The following HSDL2 variants were observed in gnomAD, a reference collection of about 807,000 sequenced individuals.
HSDL2 encodes hydroxysteroid dehydrogenase-like protein 2.
HSDL2 carries 27 observed loss-of-function variants against 46.3 expected under a neutral mutation model. The observed-to-expected ratio is 0.58, with a 90% CI of 0.43 to 0.80. The LOEUF is 0.80. HSDL2 is among the 30% of genes least tolerant of loss of function. The pLI, the probability that HSDL2 is intolerant of heterozygous loss-of-function variation, is 0.00. For synonymous variants in HSDL2, 153 were observed against 163.6 expected (o/e 0.94, Z 0.50); for missense variants, 451 against 502.7 (o/e 0.90, Z 0.98).
chr9:112,401,413 G>T (rs1831589118), intron 1 of HSDL2, among the ~76,000 whole-genome samples: 2 of 116,342 alleles, frequency 1.7e-5, no homozygotes, highest in Admixed American at 2.6e-4. Context: ...CCACACTCCA[G>T]ACTGGGCGAC....
intron 4 of HSDL2, 106 bp from the exon 5 acceptor site, chr9:112,416,735 T>C (rs1024108820): frequency 3.4e-6 from 2 of 580,684 alleles, no homozygotes; most frequent in East Asian, 2.9e-5. Flanking sequence ...GATCGAGTCA[T>C]GCACTCCAGC....
At chr9:112,443,159 A>G (rs1030606217) in intron 8 of HSDL2, among the ~76,000 whole-genome samples, 8 of 152,168 alleles carry the variant, frequency 5.3e-5, no homozygotes, top group African/African-American at 1.7e-4. Context: ...TTTTTGCCCA[A>G]CGCCCTAAGG....
chr9:112,418,680 C>CATATATATACACATGTATATGT (rs1564115912), intron 5 of HSDL2, among the ~76,000 whole-genome samples, 180 bp from the exon 6 acceptor site: 2 of 151,178 alleles, frequency 1.3e-5, no homozygotes, highest in Non-Finnish European at 1.5e-5. Context: ...TATGTATATG[C>CATATATATACACATGTATATGT]ATATATATAC....
At chr9:112,436,610 TTAAC>T (rs1381146006) in intron 6 of HSDL2, among the ~76,000 whole-genome samples, 2 of 152,090 alleles carry the variant, frequency 1.3e-5, no homozygotes, top group East Asian at 3.8e-4. Context: ...GAAATAAGCT[TTAAC>T]TAAAATACTA....
intron 5 of HSDL2, among the ~76,000 whole-genome samples, chr9:112,418,225 C>T (rs1027362909): frequency 4.0e-5 from 6 of 151,850 alleles, no homozygotes; most frequent in African/African-American, 1.5e-4. Flanking sequence ...TCTATAAAAC[C>T]TGTTCTTTAC....
At chr9:112,440,066 A>C (rs1832606999) in intron 7 of HSDL2, among the ~76,000 whole-genome samples, 1 of 152,222 alleles carries the variant, frequency 6.6e-6, no homozygotes, top group African/African-American at 2.4e-5. Flanking sequence ...TTTGCCTAAG[A>C]GCAGATGGCT....
chr9:112,450,179 T>G (rs959904244), intron 8 of HSDL2, among the ~76,000 whole-genome samples: 1 of 151,452 alleles, frequency 6.6e-6, no homozygotes, highest in Non-Finnish European at 1.5e-5. Context: ...CCTGTAATCA[T>G]AACACTATGG....
intron 8 of HSDL2, among the ~76,000 whole-genome samples, chr9:112,451,481 T>G (rs1464484050): frequency 6.6e-6 from 1 of 152,246 alleles, no homozygotes; most frequent in Non-Finnish European, 1.5e-5. Context: ...TGTGTATGTA[T>G]TTACATATTC....
At chr9:112,414,919 A>G (rs1306900303) in intron 4 of HSDL2, among the ~76,000 whole-genome samples, 2 of 151,552 alleles carry the variant, frequency 1.3e-5, no homozygotes, top group East Asian at 1.9e-4. Flanking sequence ...TGAAAGAAGA[A>G]TGAACTAGTT....
At chr9:112,401,518 C>G (rs1018385477) in intron 1 of HSDL2, among the ~76,000 whole-genome samples, 2 of 150,280 alleles carry the variant, frequency 1.3e-5, no homozygotes, top group African/African-American at 4.9e-5. Flanking sequence ...ATTAGCATTC[C>G]TTGTCATCGA....
At chr9:112,380,469 C>G (rs1831058825) in intron 1 of HSDL2, among the ~76,000 whole-genome samples, 1 of 152,170 alleles carries the variant, frequency 6.6e-6, no homozygotes, top group Non-Finnish European at 1.5e-5. Flanking sequence ...TGCCGGCCCT[C>G]CCTGAGTTTA....
intron 3 of HSDL2, among the ~76,000 whole-genome samples, chr9:112,406,758 G>A (rs558881116): frequency 1.6e-4 from 25 of 152,268 alleles, no homozygotes; most frequent in South Asian, 6.2e-4. Flanking sequence ...GTGAGCCACC[G>A]TGCCCGGCCT....
At position 112,406,842 on chromosome 9, in the gene HSDL2, A is replaced by G. The variant is rs756983739; in HGVS notation, c.280+1120A>G. ...GATCTTAGTATTTCTTTTCTCCCCA[A>G]TTAGTTCAAAAGTTCCTAGAAAAAA... On this transcript the variant is annotated intron_variant, in intron 3 of 10. Transcript: ENST00000398805. Among the ~76,000 whole-genome samples the G allele has an allele frequency of 7.9e-5, 12 of 152,226 alleles. No homozygotes were observed. In the East Asian group the frequency reaches 1.9e-3, roughly 25 times the overall value.
chr9:112,399,625 ACCT>A (rs1483046858), intron 1 of HSDL2, among the ~76,000 whole-genome samples: 1 of 151,652 alleles, frequency 6.6e-6, no homozygotes, highest in Non-Finnish European at 1.5e-5. Context: ...CCGTTTATAG[ACCT>A]CCCCCCAGGA....
chr9:112,408,795 T>C (rs1187539075), intron 3 of HSDL2, 112 bp from the exon 4 acceptor site: 1 of 561,886 alleles, frequency 1.8e-6, no homozygotes, highest in Non-Finnish European at 3.2e-6. Context: ...AAATGTTAGG[T>C]GTGGTACATG....
In HSDL2 at chr9:112,396,364, T is replaced by C. The variant is rs532642579; in HGVS notation, c.18-7631T>C. Among the ~76,000 whole-genome samples, 15 of 152,298 alleles carry C rather than the reference T, an allele frequency of 9.8e-5. No homozygotes were observed. The South Asian group carries it at 2.7e-3, about 27-fold the overall frequency. Reference sequence around the variant, plus strand: ...GAAATAATAGAAACATCAGCCCTAGTATCTACTAGGCCCTCACACTTTTTT... The same window carrying C: ...GAAATAATAGAAACATCAGCCCTAGCATCTACTAGGCCCTCACACTTTTTT... On this transcript the variant is annotated intron_variant, in intron 1 of 10. Transcript: ENST00000398805.
At chr9:112,405,359 A>AAAAC (rs981638704) in intron 2 of HSDL2, among the ~76,000 whole-genome samples, 8 of 152,206 alleles carry the variant, frequency 5.3e-5, no homozygotes, top group Admixed American at 4.6e-4. Flanking sequence ...CTGAAAAACA[A>AAAAC]AAACAAACAA....
chr9:112,413,441 C>T (rs1644353829), intron 4 of HSDL2, among the ~76,000 whole-genome samples: 1 of 151,770 alleles, frequency 6.6e-6, no homozygotes, highest in South Asian at 2.1e-4. Context: ...CACGCCATTG[C>T]ACTCCAAGAG....
chr9:112,419,611 A>G (rs187288264), intron 6 of HSDL2, among the ~76,000 whole-genome samples: 1 of 152,290 alleles, frequency 6.6e-6, no homozygotes, highest in Admixed American at 6.5e-5. Flanking sequence ...GCAGATTCTC[A>G]TACTTTTGTT....
Sources: gnomAD v4.1 joint callset for allele counts (sites outside exome capture counted in the v4.1 genomes callset) on GRCh38, gnomAD v4.1.1 for gene constraint, MANE v1.5 for transcripts, NCBI Gene and HGNC (gene_info 2026-07-23, HGNC 2026-07-21) for gene names.